Variants in GSE1 observed in about 807,000 individuals in gnomAD.
GSE1 encodes the protein genetic suppressor element 1.
A neutral mutation model predicts 112.6 loss-of-function variants in GSE1; 32 were observed. The ratio of observed to expected loss-of-function variants is 0.28; its 90% CI spans 0.21 to 0.38. GSE1 has a LOEUF of 0.38. Ranked by LOEUF, GSE1 falls within the 10% of genes least tolerant of loss-of-function variation. GSE1 has a pLI of 1.00. For synonymous variants in GSE1, 1,115 were observed against 735.6 expected (o/e 1.52, Z -8.35); for missense variants, 2,348 against 1,699.2 (o/e 1.38, Z -6.71).
At chr16:85,461,348 G>T (rs1335813858) in intron 2 of GSE1, among the ~76,000 whole-genome samples, 1 of 152,190 alleles carries the variant, frequency 6.6e-6, no homozygotes, top group East Asian at 1.9e-4. Context: ...CTATGCCCTG[G>T]GGGACAACCC....
intron 1 of GSE1, among the ~76,000 whole-genome samples, chr16:85,257,982 C>T (rs912063718): frequency 1.3e-5 from 2 of 152,202 alleles, no homozygotes; most frequent in Non-Finnish European, 2.9e-5. Flanking sequence ...GAGCTCAGGG[C>T]CTGGACTTAG....
chr16:85,638,457 C>A (rs2050182095), intron 2 of GSE1, among the ~76,000 whole-genome samples: 1 of 152,226 alleles, frequency 6.6e-6, no homozygotes, highest in African/African-American at 2.4e-5. Flanking sequence ...TTGCGAATCG[C>A]CGATGCATGC....
chr16:85,441,798 C>T (rs1323818683), intron 2 of GSE1, among the ~76,000 whole-genome samples: 1 of 152,192 alleles, frequency 6.6e-6, no homozygotes, highest in Non-Finnish European at 1.5e-5. Context: ...TCCTTGGCCT[C>T]CCTGCCTCCC....
chr16:85,567,782 G>A (rs939883120), intron 1 of GSE1, among the ~76,000 whole-genome samples: 2 of 152,200 alleles, frequency 1.3e-5, no homozygotes, highest in Non-Finnish European at 2.9e-5. Context: ...GAGTGTAGTG[G>A]TGCGATCTCA....
intron 1 of GSE1, among the ~76,000 whole-genome samples, chr16:85,227,846 C>T (rs374222965): frequency 4.6e-5 from 7 of 152,202 alleles, no homozygotes; most frequent in East Asian, 1.9e-4. Context: ...TCATGCCGAC[C>T]GGGGGATACA....
intron 2 of GSE1, among the ~76,000 whole-genome samples, chr16:85,450,740 C>T (rs1332776502): frequency 1.3e-5 from 2 of 151,994 alleles, no homozygotes; most frequent in Non-Finnish European, 2.9e-5. Context: ...TGAGCCACCT[C>T]GCCCGGCCCA....
chr16:85,373,950 C>T lies in GSE1; in HGVS notation c.2464+16307C>T, dbSNP rs1045783158. 4.6e-5 allele frequency among the ~76,000 whole-genome samples: 7 copies of T among 152,180 alleles called. No individual in the cohort carries two copies. The highest frequency in any genetic ancestry group is 2.1e-4 in the South Asian group (1 of 4,824). On this transcript the variant is annotated intron_variant, in intron 2 of 2. Coordinates refer to the GSE1 transcript ENST00000637419. The surrounding 1 kb of genome is among the most constrained non-coding windows in gnomAD (Gnocchi z 5.1). ...CCCGCAGGCCCTGTCAGGTCAGCGG[C>T]GCCTTATCCATCGCCCCACGGTGGC...
chr16:85,661,832 G>T, intron 9 of GSE1, 67 bp downstream of exon 9: 2 of 1,386,212 alleles, frequency 1.4e-6, no homozygotes, highest in Non-Finnish European at 1.9e-6. Context: ...GAGCCTGCAT[G>T]CCAGCCACCT....
chr16:85,583,151 T>G (rs1026484875), intron 1 of GSE1, among the ~76,000 whole-genome samples: 3 of 152,148 alleles, frequency 2.0e-5, no homozygotes, highest in African/African-American at 7.2e-5. Flanking sequence ...TAGGAAACGC[T>G]GGCCCAGTCT....
At chr16:85,332,203 G>A (rs1316534951) in intron 1 of GSE1, among the ~76,000 whole-genome samples, 1 of 152,176 alleles carries the variant, frequency 6.6e-6, no homozygotes, top group African/African-American at 2.4e-5. Flanking sequence ...CAACACCGCT[G>A]CTGTCTGTCC....
At chr16:85,256,613 G>A (rs891341366) in intron 1 of GSE1, among the ~76,000 whole-genome samples, 1 of 152,186 alleles carries the variant, frequency 6.6e-6, no homozygotes, top group African/African-American at 2.4e-5. Context: ...ATTTCCATCC[G>A]GGACCCCGGA....
At chr16:85,200,844 C>T (rs1452297196) in intron 1 of GSE1, among the ~76,000 whole-genome samples, 1 of 152,166 alleles carries the variant, frequency 6.6e-6, no homozygotes, top group African/African-American at 2.4e-5. Context: ...GTCACCAGAA[C>T]TTTGTCTTCT....
chr16:85,627,500 G>T (rs1212647201), intron 1 of GSE1, among the ~76,000 whole-genome samples: 1 of 151,856 alleles, frequency 6.6e-6, no homozygotes, highest in Non-Finnish European at 1.5e-5. Context: ...TTTCCTGGGG[G>T]TGGGGGTCAA....
chr16:85,463,076 G>T (rs1422375187), intron 2 of GSE1: 1 of 984,946 alleles, frequency 1.0e-6, no homozygotes, highest in Non-Finnish European at 1.2e-6. Context: ...CCGGGGGGCG[G>T]CGCAGGATGC....
chr16:85,199,079 G>T lies in GSE1; in HGVS notation c.2283+27272G>T, dbSNP rs374109800. Among the ~76,000 whole-genome samples the T allele has an allele frequency of 8.5e-5, 13 of 152,072 alleles. No homozygotes were observed. The East Asian group carries it at 1.2e-3, about 14-fold the overall frequency. ...GCTGCCTCAGCCTCCCGAGTAGCTG[G>T]GATCACAGGCATGTGCTACCATGCC... is the stretch of plus-strand genomic sequence containing the variant. On this transcript the variant is annotated intron_variant, in intron 1 of 2. Transcript: ENST00000637419.
At chr16:85,556,031 C>T in exon 1 of GSE1, 1 of 985,048 alleles carries the variant, frequency 1.0e-6, no homozygotes. Flanking sequence ...GCCGTGGAGG[C>T]TCCGGCCCGT....
At chr16:85,258,537 C>T (rs988895477) in intron 1 of GSE1, among the ~76,000 whole-genome samples, 1 of 152,206 alleles carries the variant, frequency 6.6e-6, no homozygotes, top group African/African-American at 2.4e-5. Flanking sequence ...CTCCTGCCAC[C>T]CCTTCCCGCC....
At position 85,666,161 on chromosome 16, in the gene GSE1, G is replaced by C. The variant is rs2052840858; in HGVS notation, c.2944G>C (p.Gly982Arg). 1 of 1,613,352 alleles carries C rather than the reference G, an allele frequency of 6.2e-7. No homozygotes were observed. Among genetic ancestry groups the C allele is most frequent in the African/African-American group, 1.3e-5 (1 of 74,946 alleles). The change falls in exon 13 of 16, where the codon GGC becomes CGC. Residue 982 changes from glycine (G) to arginine (R), a missense_variant. Physicochemically the swap from Gly to Arg is moderately radical, Grantham distance 125. Transcript: ENST00000253458. ...GGCCAGGCTGAGCGAGGCCCCTGGA[G>C]GCAAAAAGAGTCTGAGCATGCTTCA... ...EKARLSEAPG[G>R]KKSLSMLHYI...
chr16:85,514,584 C>G (rs1362341193), intron 2 of GSE1, among the ~76,000 whole-genome samples: 2 of 152,200 alleles, frequency 1.3e-5, no homozygotes, highest in Admixed American at 1.3e-4. Context: ...AGGCGGCCAG[C>G]CCCACTCTTC....
Sources: gnomAD v4.1 joint callset for allele counts (sites outside exome capture counted in the v4.1 genomes callset) on GRCh38, gnomAD v4.1.1 for gene constraint, Gnocchi (gnomAD v3.1) non-coding constraint, MANE v1.5 for transcripts, NCBI Gene and HGNC (gene_info 2026-07-23, HGNC 2026-07-21) for gene names.